LNX1: variants seen among roughly 807,000 people sequenced by gnomAD.
LNX1 encodes ligand of numb-protein X 1.
In LNX1, 54 loss-of-function variants were observed where a neutral mutation model predicts 68.4. That is an observed-to-expected ratio of 0.79 (90% CI 0.63 to 0.99). The LOEUF (loss-of-function observed/expected upper bound fraction) is 0.99, where lower values mean the gene tolerates loss of function less well. Among genes scored for constraint, LNX1 ranks in the 50% least tolerant of loss-of-function variants. The probability of loss-of-function intolerance (pLI) is 0.00; values close to 1 mark genes in which losing one functional copy is unlikely to be tolerated. For missense variants in LNX1, 906 were observed against 926.4 expected (o/e 0.98, Z 0.29); for synonymous variants, 336 against 350.0 (o/e 0.96, Z 0.45).
rs3765158 is a variant in LNX1 at position 53,461,417 on chromosome 4, A to G, written c.2051+18T>C. The G allele has an allele frequency of 0.7, 1,094,544 of 1,567,380 alleles. 383,044 individuals are homozygous for G. The highest frequency in any genetic ancestry group is 0.74 in the Middle Eastern group (4,315 of 5,864). On this transcript the variant is annotated intron_variant, in intron 10 of 10. Coordinates refer to ENST00000263925, the MANE Select transcript of LNX1 (RefSeq NM_001126328.3). ...ACAACATTTAATACAAGTATTTTTGATTAGTCATTATTATTACCTAATTCT... is the reference window on the plus strand; with the variant it reads ...ACAACATTTAATACAAGTATTTTTGGTTAGTCATTATTATTACCTAATTCT...
rs918410205 is a variant in LNX1 at position 53,478,670 on chromosome 4, T to C, written c.1558A>G (p.Met520Val). 1.2e-6 allele frequency: 2 copies of C among 1,614,012 alleles called. No individual in the cohort carries two copies. The highest frequency in any genetic ancestry group is 1.3e-5 in the African/African-American group (1 of 74,918). ...IQKDPGESLGMTVAGGASHRE... is the reference protein window; with the variant it reads ...IQKDPGESLGVTVAGGASHRE... ...TGTGATGCTCCCCCTGCGACGGTCA[T>C]GCCGAGAGATTCACCGGGGTCTTTT... The change falls in exon 8 of 11, where the codon ATG becomes GTG. Residue 520 changes from methionine to valine, a missense_variant. Physicochemically the swap from Met to Val is conservative, Grantham distance 21. Coordinates refer to ENST00000263925, the MANE Select transcript of LNX1 (RefSeq NM_001126328.3).
intron 2 of LNX1, among the ~76,000 whole-genome samples, chr4:53,516,610 G>A (rs1451654389): frequency 6.6e-6 from 1 of 152,204 alleles, no homozygotes; most frequent in Non-Finnish European, 1.5e-5. Context: ...AAAGCTCCAA[G>A]GATGCAGGTG....
At chr4:53,643,132 T>C (rs1468820365) in intron 1 of LNX1, among the ~76,000 whole-genome samples, 1 of 152,080 alleles carries the variant, frequency 6.6e-6, no homozygotes, top group Non-Finnish European at 1.5e-5. Context: ...CTAGTATTGT[T>C]GAGTCAAGAA....
intron 2 of LNX1, among the ~76,000 whole-genome samples, chr4:53,564,367 C>T (rs1372301565): frequency 6.8e-6 from 1 of 147,430 alleles, no homozygotes; most frequent in Non-Finnish European, 1.5e-5. Flanking sequence ...GCTTCACCCT[C>T]AGATCCACAC....
At position 53,508,127 on chromosome 4, in the gene LNX1, A is replaced by T. The variant is rs1344789458; in HGVS notation, c.481T>A (p.Ser161Thr). Residue 161 changes from serine to threonine, a missense_variant, in exon 3 of 11, where the codon TCC (serine) becomes ACC (threonine). Ser to Thr is a moderately conservative substitution (Grantham distance 58). Coordinates refer to ENST00000263925, the MANE Select transcript of LNX1 (RefSeq NM_001126328.3). ...GCASLTATAP[S>T]PEVSAAATIS... ...GTGGCAGCTGCAGAAACCTCTGGGG[A>T]GGGAGCCGTGGCTGTGAGGCTCGCA... The T allele has an allele frequency of 6.2e-7, 1 of 1,613,962 alleles. No individual in the cohort carries two copies. The highest frequency in any genetic ancestry group is 8.5e-7 in the Non-Finnish European group (1 of 1,180,018).
In LNX1 at chr4:53,460,859, C is replaced by T. The variant is rs750109057; in HGVS notation, c.*48G>A. ...CAAGATAAATATAGTGTTTCAACTTCTTAGCCTATTTGTGATTTTTCTGTT... is the reference window on the plus strand; with the variant it reads ...CAAGATAAATATAGTGTTTCAACTTTTTAGCCTATTTGTGATTTTTCTGTT... On this transcript the variant is annotated 3_prime_UTR_variant, in exon 11 of 11. Coordinates refer to ENST00000263925, the MANE Select transcript of LNX1 (RefSeq NM_001126328.3). The T allele has an allele frequency of 1.4e-5, 21 of 1,517,604 alleles. No homozygotes were observed. In the African/African-American group the frequency reaches 2.7e-4, roughly 19 times the overall value. The allele number at this position is 1,517,604 out of a possible 1,614,324, so 94.0% of individuals were successfully genotyped here.
At chr4:53,485,033 A>G (rs1724193377) in intron 6 of LNX1, among the ~76,000 whole-genome samples, 1 of 152,254 alleles carries the variant, frequency 6.6e-6, no homozygotes, top group Non-Finnish European at 1.5e-5. Context: ...AGCCCAGGAA[A>G]CAATCGTGAA....
intron 7 of LNX1, among the ~76,000 whole-genome samples, chr4:53,479,830 T>C (rs1723803518): frequency 6.6e-6 from 1 of 152,240 alleles, no homozygotes; most frequent in Non-Finnish European, 1.5e-5. Flanking sequence ...GAATAAAACA[T>C]TTTAGACAAG....
At chr4:53,620,233 C>A (rs527729079), upstream of LNX1, among the ~76,000 whole-genome samples, 30 of 152,298 alleles carry the variant, frequency 2.0e-4, no homozygotes, top group African/African-American at 6.5e-4. Context: ...AATGTGGTCA[C>A]CACACCTGCA....
intron 2 of LNX1, among the ~76,000 whole-genome samples, chr4:53,549,003 C>T (rs544403014): frequency 6.6e-6 from 1 of 152,232 alleles, no homozygotes; most frequent in East Asian, 1.9e-4. Context: ...ATGACCGACA[C>T]TGGGGTCTAC....
chr4:53,555,797 A>T (rs1391737953), intron 2 of LNX1, among the ~76,000 whole-genome samples: 1 of 152,238 alleles, frequency 6.6e-6, no homozygotes, highest in East Asian at 1.9e-4. Flanking sequence ...GCAAAGTATG[A>T]TTCCCTAGCA....
At chr4:53,557,979 T>G (rs752450195) in intron 2 of LNX1, 27 of 1,613,464 alleles carry the variant, frequency 1.7e-5, no homozygotes, top group African/African-American at 2.7e-5. Context: ...CCGAGCAGTG[T>G]GCTGCCTTCT....
intron 9 of LNX1, among the ~76,000 whole-genome samples, chr4:53,462,890 G>A (rs1025679373): frequency 6.6e-6 from 1 of 152,100 alleles, no homozygotes; most frequent in Non-Finnish European, 1.5e-5. Flanking sequence ...TTCTTTGGGA[G>A]CTGTGGTGTG....
chr4:53,468,850 G>C (rs10003158), intron 9 of LNX1, among the ~76,000 whole-genome samples: 83,233 of 150,920 alleles, frequency 0.55, 24,638 homozygotes, highest in Non-Finnish European at 0.66. Context: ...CAAGTCCTTA[G>C]TGACCTACAA....
chr4:53,594,661 C>G (rs192301336), upstream of LNX1, among the ~76,000 whole-genome samples: 11 of 152,162 alleles, frequency 7.2e-5, no homozygotes, highest in East Asian at 1.9e-4. Flanking sequence ...GTTTTACCCC[C>G]CAAGATCAAA....
intron 2 of LNX1, among the ~76,000 whole-genome samples, chr4:53,572,328 A>G (rs1383934311): frequency 6.6e-6 from 1 of 152,226 alleles, no homozygotes. Flanking sequence ...TTTAAACACC[A>G]GCAATAACAG....
At chr4:53,534,529 C>CT (rs1420832179) in intron 2 of LNX1, among the ~76,000 whole-genome samples, 2 of 152,238 alleles carry the variant, frequency 1.3e-5, no homozygotes, top group East Asian at 3.9e-4. Context: ...GTAGGCCCAG[C>CT]TATTCAGAAG....
intron 1 of LNX1, among the ~76,000 whole-genome samples, chr4:53,588,678 G>T (rs192903046): frequency 6.6e-6 from 1 of 152,296 alleles, no homozygotes; most frequent in African/African-American, 2.4e-5. Context: ...CCATTTTAGC[G>T]TCCTTTGGGG....
rs116100576 is a variant in LNX1 at position 53,483,835 on chromosome 4, T to C, written c.1351-1981A>G. On this transcript the variant is annotated intron_variant, in intron 6 of 10. Coordinates refer to ENST00000263925, the MANE Select transcript of LNX1 (RefSeq NM_001126328.3). ...CATTGAAATTCCATGCTCTTTTGCATTGACTCAGACAATGGTGGTGGAGAT... is the reference window on the plus strand; with the variant it reads ...CATTGAAATTCCATGCTCTTTTGCACTGACTCAGACAATGGTGGTGGAGAT... 7.2e-3 allele frequency among the ~76,000 whole-genome samples: 1,093 copies of C among 152,328 alleles called. 13 individuals carry two copies. The highest frequency in any genetic ancestry group is 0.025 in the African/African-American group (1,034 of 41,574).
Sources: gnomAD v4.1 joint callset for allele counts (sites outside exome capture counted in the v4.1 genomes callset) on GRCh38, gnomAD v4.1.1 for gene constraint, MANE v1.5 for transcripts, NCBI Gene and HGNC (gene_info 2026-07-23, HGNC 2026-07-21) for gene names.